ERC1: variants seen among roughly 807,000 people sequenced by gnomAD.
The protein encoded by ERC1 is RAB6 interacting protein 2.
A neutral mutation model predicts 132.0 loss-of-function variants in ERC1; 56 were observed. That is an observed-to-expected ratio of 0.42 (90% CI 0.34 to 0.53). ERC1 has a LOEUF of 0.53. Ranked by LOEUF, ERC1 falls within the 20% of genes least tolerant of loss-of-function variation. The pLI is 0.03. For synonymous variants in ERC1, 478 were observed against 476.1 expected, an observed-to-expected ratio of 1.00 and a Z score of -0.05; for missense variants, 1,202 against 1,349.9, an observed-to-expected ratio of 0.89 and a Z score of 1.72.
At chr12:1,280,218 C>G (rs540750800) in intron 14 of ERC1, among the ~76,000 whole-genome samples, 32 of 152,224 alleles carry the variant, frequency 2.1e-4, no homozygotes, top group African/African-American at 7.7e-4. Context: ...GAAAGTAAAG[C>G]CTTGGGAGCC....
chr12:1,317,828 C>CT (rs2081873852), intron 15 of ERC1, among the ~76,000 whole-genome samples: 3 of 152,174 alleles, frequency 2.0e-5, no homozygotes, highest in African/African-American at 7.2e-5. Context: ...TCTCTATATA[C>CT]TTTCTTTATT....
At chr12:1,321,754 T>C (rs1464793885) in intron 15 of ERC1, among the ~76,000 whole-genome samples, 1 of 152,194 alleles carries the variant, frequency 6.6e-6, no homozygotes, top group Non-Finnish European at 1.5e-5. Flanking sequence ...ACATCTCTTC[T>C]ATAAGTTTAT....
chr12:1,128,610 C>T (rs10848443), intron 7 of ERC1, among the ~76,000 whole-genome samples: 93,261 of 151,878 alleles, frequency 0.61, 30,939 homozygotes, highest in East Asian at 0.87. Context: ...TTTTTTGCCT[C>T]AGTTTTCTCA....
At chr12:1,423,542 A>G (rs185292845) in intron 17 of ERC1, among the ~76,000 whole-genome samples, 3 of 152,318 alleles carry the variant, frequency 2.0e-5, no homozygotes, top group Non-Finnish European at 4.4e-5. Context: ...AAGGAATGGT[A>G]TTCTTTAATT....
At chr12:1,057,025 C>T (rs749518666) in intron 2 of ERC1, among the ~76,000 whole-genome samples, 5 of 152,132 alleles carry the variant, frequency 3.3e-5, no homozygotes, top group Non-Finnish European at 7.4e-5. Context: ...GAATGGTCTA[C>T]ATAGGTGATG....
At chr12:1,338,237 A>C (rs117765791) in intron 15 of ERC1, among the ~76,000 whole-genome samples, 4,421 of 151,412 alleles carry the variant, frequency 0.029, 88 homozygotes, top group South Asian at 0.088. Flanking sequence ...ATTCCTTTAT[A>C]CTCTCTTTTC....
At chr12:1,398,862 T>C (rs1389519644) in intron 16 of ERC1, among the ~76,000 whole-genome samples, 1 of 151,752 alleles carries the variant, frequency 6.6e-6, no homozygotes, top group Non-Finnish European at 1.5e-5. Flanking sequence ...CATTTACTCA[T>C]TTGTTTATGT....
At chr12:1,020,236 C>T (rs1388491432) in intron 1 of ERC1, among the ~76,000 whole-genome samples, 1 of 152,154 alleles carries the variant, frequency 6.6e-6, no homozygotes, top group Non-Finnish European at 1.5e-5. Context: ...GCAGATGGAT[C>T]GCCTGATATC....
chr12:1,127,503 T>C (rs1303235225), intron 7 of ERC1, among the ~76,000 whole-genome samples: 1 of 151,926 alleles, frequency 6.6e-6, no homozygotes, highest in Non-Finnish European at 1.5e-5. Flanking sequence ...TATCTATGTT[T>C]ACTTTTTTTT....
intron 1 of ERC1, among the ~76,000 whole-genome samples, chr12:1,021,375 T>C (rs1236862944): frequency 4.6e-5 from 7 of 151,996 alleles, no homozygotes; most frequent in African/African-American, 7.3e-5. Flanking sequence ...ATGTCTTCCA[T>C]TGGGACAAAG....
intron 13 of ERC1, among the ~76,000 whole-genome samples, chr12:1,243,118 C>T (rs530286891): frequency 2.1e-4 from 31 of 147,420 alleles, no homozygotes; most frequent in African/African-American, 7.0e-4. Flanking sequence ...ACCCGGGAAG[C>T]GGAGCTTGCA....
intron 2 of ERC1, among the ~76,000 whole-genome samples, chr12:1,082,130 C>T (rs1386150529): frequency 6.6e-6 from 1 of 151,840 alleles, no homozygotes; most frequent in Non-Finnish European, 1.5e-5. Flanking sequence ...CCAGTTCAAG[C>T]AATTCTTCTG....
intron 7 of ERC1, among the ~76,000 whole-genome samples, chr12:1,128,483 A>C (rs936280429): frequency 1.3e-5 from 2 of 151,966 alleles, no homozygotes; most frequent in Non-Finnish European, 2.9e-5. Context: ...GATCCTCCCA[A>C]CTCAGCCTCT....
At chr12:1,180,488 TG>T (rs1954323374) in intron 8 of ERC1, 51 bp from the exon 9 acceptor site, 24 of 1,554,590 alleles carry the variant, frequency 1.5e-5, no homozygotes, top group Middle Eastern at 1.7e-4. Flanking sequence ...ATTGTGCTAT[TG>T]TTTTTTTATA....
At chr12:1,435,058 C>T (rs1050782215) in intron 17 of ERC1, among the ~76,000 whole-genome samples, 1 of 152,112 alleles carries the variant, frequency 6.6e-6, no homozygotes, top group Admixed American at 6.5e-5. Flanking sequence ...TTTTTTTCCA[C>T]CCAAAGTCTG....
intron 18 of ERC1, among the ~76,000 whole-genome samples, chr12:1,459,950 A>G (rs1163964782): frequency 6.6e-6 from 1 of 152,252 alleles, no homozygotes; most frequent in African/African-American, 2.4e-5. Context: ...CGATACAGAT[A>G]GAGACAGATG....
At chr12:1,400,442 TTTTTC>T (rs1304518002) in intron 16 of ERC1, among the ~76,000 whole-genome samples, 2 of 152,192 alleles carry the variant, frequency 1.3e-5, no homozygotes, top group East Asian at 3.8e-4. Context: ...GATTTATTTT[TTTTTC>T]TTTTGCCGCT....
chr12:1,052,083 C>T (rs904222021), intron 2 of ERC1, among the ~76,000 whole-genome samples: 1 of 152,136 alleles, frequency 6.6e-6, no homozygotes, highest in Admixed American at 6.5e-5. Flanking sequence ...AGTCCCCAAA[C>T]GTAAGTGTGC....
chr12:1,322,717 A>C (rs1194753634), intron 15 of ERC1, among the ~76,000 whole-genome samples: 1 of 152,154 alleles, frequency 6.6e-6, no homozygotes, highest in East Asian at 1.9e-4. Flanking sequence ...TTCTGATTGA[A>C]ATCTGACATA....
Sources: allele counts gnomAD v4.1 joint callset (sites outside exome capture counted in the v4.1 genomes callset), GRCh38; gene constraint gnomAD v4.1.1; transcripts MANE v1.5; gene names NCBI Gene and HGNC (gene_info 2026-07-23, HGNC 2026-07-21).